The following GLIS3 variants were observed in gnomAD, a reference collection of about 807,000 sequenced individuals.
The protein encoded by GLIS3 is zinc finger protein GLIS3.
Under a neutral mutation model 78.6 loss-of-function variants are expected in GLIS3, and 53 were observed. The ratio of observed to expected loss-of-function variants is 0.67; its 90% CI spans 0.54 to 0.85. The LOEUF (loss-of-function observed/expected upper bound fraction) is 0.85, where lower values mean the gene tolerates loss of function less well. Ranked by LOEUF, GLIS3 falls within the 40% of genes least tolerant of loss-of-function variation. The pLI is 0.00. For missense variants in GLIS3, 1,703 were observed against 1,231.1 expected, an observed-to-expected ratio of 1.38 and a Z score of -5.74; for synonymous variants, 684 against 509.9, an observed-to-expected ratio of 1.34 and a Z score of -4.60.
intron 2 of GLIS3, among the ~76,000 whole-genome samples, chr9:4,264,543 A>G (rs1825813691): frequency 1.3e-5 from 2 of 152,156 alleles, no homozygotes; most frequent in African/African-American, 2.4e-5. Context: ...ATAAGAACCA[A>G]AATGACCTGG....
At chr9:4,229,691 A>G (rs563730663) in intron 2 of GLIS3, among the ~76,000 whole-genome samples, 6 of 152,358 alleles carry the variant, frequency 3.9e-5, no homozygotes, top group African/African-American at 1.4e-4. Flanking sequence ...TTACAATATT[A>G]CTTCTTATTC....
intron 3 of GLIS3, chr9:4,310,350 C>T (rs1432387506): frequency 6.6e-6 from 1 of 152,128 alleles, no homozygotes; most frequent in Non-Finnish European, 1.5e-5. Flanking sequence ...CTTAGGCAAA[C>T]TCAGCCAGTT....
the GLIS3 span, among the ~76,000 whole-genome samples, chr9:4,356,327 A>G: frequency 6.6e-6 from 1 of 152,130 alleles, no homozygotes; most frequent in Non-Finnish European, 1.5e-5. Flanking sequence ...CTTTTGCATC[A>G]CTAACTCTCC....
intron 9 of GLIS3, among the ~76,000 whole-genome samples, chr9:3,837,877 AC>A (rs1818451138): frequency 6.6e-6 from 1 of 151,822 alleles, no homozygotes; most frequent in Non-Finnish European, 1.5e-5. Context: ...TACAAGAGTG[AC>A]CCCTAATATC....
chr9:3,931,174 ACTAT>A (rs1825587312), intron 6 of GLIS3, among the ~76,000 whole-genome samples: 1 of 152,132 alleles, frequency 6.6e-6, no homozygotes, highest in South Asian at 2.1e-4. Flanking sequence ...TGCAATTAAG[ACTAT>A]CTATCAAATC....
At chr9:3,951,057 G>C (rs1191634781) in intron 4 of GLIS3, among the ~76,000 whole-genome samples, 2 of 152,176 alleles carry the variant, frequency 1.3e-5, no homozygotes, top group Non-Finnish European at 2.9e-5. Flanking sequence ...TAATTTCTAA[G>C]TTCTACATGA....
intron 2 of GLIS3, among the ~76,000 whole-genome samples, chr9:4,235,000 T>C (rs1822582951): frequency 6.6e-6 from 1 of 152,044 alleles, no homozygotes; most frequent in African/African-American, 2.4e-5. Context: ...CTGGACTTAA[T>C]AAAAATGTGA....
chr9:4,283,324 G>T (rs1335536028), intron 2 of GLIS3, among the ~76,000 whole-genome samples: 3 of 149,744 alleles, frequency 2.0e-5, no homozygotes, highest in Non-Finnish European at 3.0e-5. Flanking sequence ...GGAGTGCAAT[G>T]GCGCAATCTC....
chr9:3,940,399 A>G (rs1447807328), intron 4 of GLIS3, among the ~76,000 whole-genome samples: 1 of 152,152 alleles, frequency 6.6e-6, no homozygotes, highest in Non-Finnish European at 1.5e-5. Flanking sequence ...ATGCTTTCTC[A>G]TCGAGGTTCC....
At chr9:4,193,152 T>C (rs947639884) in intron 2 of GLIS3, among the ~76,000 whole-genome samples, 1 of 152,260 alleles carries the variant, frequency 6.6e-6, no homozygotes, top group Non-Finnish European at 1.5e-5. Context: ...CAGGTAGAAC[T>C]TGGTCAGCAA....
chr9:3,961,391 C>A (rs1336896472), intron 4 of GLIS3, among the ~76,000 whole-genome samples: 1 of 152,174 alleles, frequency 6.6e-6, no homozygotes, highest in Non-Finnish European at 1.5e-5. Flanking sequence ...ATATACTATT[C>A]TCCAGCTTTG....
chr9:4,059,490 T>C (rs1453636552), intron 4 of GLIS3, among the ~76,000 whole-genome samples: 1 of 152,184 alleles, frequency 6.6e-6, no homozygotes, highest in Non-Finnish European at 1.5e-5. Flanking sequence ...CCTTGCTTTG[T>C]GGAAAAACCA....
intron 4 of GLIS3, among the ~76,000 whole-genome samples, chr9:3,998,943 T>G (rs1470611033): frequency 2.0e-5 from 3 of 151,946 alleles, no homozygotes; most frequent in East Asian, 3.8e-4. Flanking sequence ...CTGTACTTCT[T>G]TTTGCAAAAT....
intron 4 of GLIS3, among the ~76,000 whole-genome samples, chr9:3,963,998 T>G (rs666985): frequency 6.6e-6 from 1 of 152,200 alleles, no homozygotes; most frequent in East Asian, 1.9e-4. Context: ...CATGCTGCCA[T>G]GCATGTTCTG....
At chr9:4,204,534 A>G (rs972157978) in intron 2 of GLIS3, among the ~76,000 whole-genome samples, 9 of 152,168 alleles carry the variant, frequency 5.9e-5, no homozygotes, top group African/African-American at 1.9e-4. Flanking sequence ...CCAAGGAACT[A>G]ACGTATGACA....
At chr9:4,288,231 A>G (rs1396356205) in intron 1 of GLIS3, among the ~76,000 whole-genome samples, 1 of 152,198 alleles carries the variant, frequency 6.6e-6, no homozygotes, top group Admixed American at 6.5e-5. Flanking sequence ...TTGCCAGATA[A>G]AATTGGCCAT....
intron 6 of GLIS3, among the ~76,000 whole-genome samples, chr9:3,930,056 C>T (rs1348275014): frequency 1.3e-5 from 2 of 152,196 alleles, no homozygotes; most frequent in Non-Finnish European, 2.9e-5. Flanking sequence ...TTAGCAACTG[C>T]TTCTCCGGGA....
At chr9:4,483,191 T>A in the GLIS3 span, among the ~76,000 whole-genome samples, 40 of 138,294 alleles carry the variant, frequency 2.9e-4, no homozygotes, top group Non-Finnish European at 4.4e-4. Context: ...TCATATACTA[T>A]ATCTTGCTTT....
the GLIS3 span, among the ~76,000 whole-genome samples, chr9:4,380,114 G>C: frequency 6.6e-6 from 1 of 152,148 alleles, no homozygotes; most frequent in African/African-American, 2.4e-5. Flanking sequence ...TGTGGGACAA[G>C]GTTTCAAACC....
Sources: gnomAD v4.1 joint callset for allele counts (sites outside exome capture counted in the v4.1 genomes callset) on GRCh38, gnomAD v4.1.1 for gene constraint, MANE v1.5 for transcripts, NCBI Gene and HGNC (gene_info 2026-07-23, HGNC 2026-07-21) for gene names.